The following ZNF469 variants were observed in gnomAD, a reference collection of about 807,000 sequenced individuals.
ZNF469 encodes the protein zinc finger protein 469.
In ZNF469, 1 loss-of-function variant was observed where a neutral mutation model predicts 1.0. The observed-to-expected ratio is 1.00, with a 90% CI of 0.35 to 4.73. The LOEUF is 4.73. Ranked by LOEUF, ZNF469 falls within the 30% of genes most tolerant of loss-of-function variation. ZNF469 has a pLI of 0.16. For missense variants in ZNF469, 6,100 were observed against 5,356.3 expected (o/e 1.14, Z -4.33); for synonymous variants, 2,703 against 2,363.4 (o/e 1.14, Z -4.17).
chr16:88,222,857 C>T, the ZNF469 span, among the ~76,000 whole-genome samples: 1 of 152,210 alleles, frequency 6.6e-6, no homozygotes, highest in African/African-American at 2.4e-5. Context: ...CCTTGGCCTC[C>T]CAAAGTGCTG....
At chr16:88,219,466 A>G in the ZNF469 span, among the ~76,000 whole-genome samples, 1 of 142,930 alleles carries the variant, frequency 7.0e-6, no homozygotes, top group Admixed American at 7.0e-5. Flanking sequence ...ATAACGCCGC[A>G]TATCTACAAC....
rs1226651322 is a variant in ZNF469, at chr16:88,436,216, A to T, written c.8746A>T (p.Ser2916Cys). 4 of 1,548,750 alleles carry T rather than the reference A, an allele frequency of 2.6e-6. No homozygotes were observed. Among genetic ancestry groups the T allele is most frequent in the Non-Finnish European group, 3.5e-6 (4 of 1,146,862 alleles). Reference protein sequence around the residue: ...ARLPTDLSDSSSLCLCHEDPW... With the variant: ...ARLPTDLSDSCSLCLCHEDPW... ...CCTGCCCACGGACCTCAGCGACTCC[A>T]GCTCCCTCTGCCTCTGCCATGAGGA... The change falls in exon 3 of 3, where the codon AGC (serine) becomes TGC (cysteine). Residue 2916 changes from serine (S) to cysteine (C), a missense_variant. Ser to Cys is a moderately radical substitution (Grantham distance 112, BLOSUM62 -1). Coordinates refer to ENST00000565624, the MANE Select transcript of ZNF469 (RefSeq NM_001367624.2).
the ZNF469 span, among the ~76,000 whole-genome samples, chr16:88,117,715 G>C: frequency 3.3e-5 from 5 of 152,216 alleles, no homozygotes; most frequent in Non-Finnish European, 4.4e-5. Context: ...CTTTTCCTGG[G>C]GAAGGGCTTG....
the ZNF469 span, among the ~76,000 whole-genome samples, chr16:88,186,188 G>A: frequency 3.9e-5 from 6 of 152,194 alleles, no homozygotes; most frequent in African/African-American, 1.2e-4. Flanking sequence ...GGGTGGGCCC[G>A]GAGACCTTTC....
the ZNF469 span, among the ~76,000 whole-genome samples, chr16:88,118,325 G>A: frequency 6.6e-6 from 1 of 152,234 alleles, no homozygotes; most frequent in African/African-American, 2.4e-5. Context: ...TCTTCGCAGT[G>A]TTCTGGTGGA....
At chr16:88,148,282 C>T in the ZNF469 span, among the ~76,000 whole-genome samples, 6 of 152,274 alleles carry the variant, frequency 3.9e-5, no homozygotes, top group Admixed American at 3.3e-4. Flanking sequence ...TTCCCAGCTC[C>T]ACCACCCCCA....
the ZNF469 span, among the ~76,000 whole-genome samples, chr16:88,271,971 A>C: frequency 2.0e-5 from 3 of 151,154 alleles, no homozygotes; most frequent in African/African-American, 7.3e-5. Context: ...TGGGTAGGTG[A>C]ATGGATAGAT....
chr16:88,284,089 G>A, the ZNF469 span, among the ~76,000 whole-genome samples: 1 of 129,296 alleles, frequency 7.7e-6, no homozygotes, highest in African/African-American at 3.2e-5. Context: ...GGTCTGCGGA[G>A]GCTGGTAGAC....
the ZNF469 span, among the ~76,000 whole-genome samples, chr16:88,202,150 C>T: frequency 1.3e-5 from 2 of 152,214 alleles, no homozygotes; most frequent in African/African-American, 2.4e-5. Context: ...ATGGACACGG[C>T]ACCTGCGAAT....
At chr16:88,419,369 G>A (rs904322633) in intron 1 of ZNF469, among the ~76,000 whole-genome samples, 4 of 152,114 alleles carry the variant, frequency 2.6e-5, no homozygotes, top group Non-Finnish European at 5.9e-5. Flanking sequence ...AAACAGACCG[G>A]GAGAGCTCAG....
chr16:88,430,333 C>G lies in ZNF469; in HGVS notation c.2863C>G (p.Arg955Gly), dbSNP rs754739533. 1.3e-6 allele frequency: 2 copies of G among 1,514,804 alleles called. No homozygotes were observed. Among genetic ancestry groups the G allele is most frequent in the Non-Finnish European group, 1.8e-6 (2 of 1,135,604 alleles). The allele number at this position is 1,514,804 out of a possible 1,614,324, so 93.8% of individuals were successfully genotyped here. Residue 955 changes from arginine (R) to glycine (G), a missense_variant, in exon 3 of 3, where the codon CGG (arginine) becomes GGG (glycine). Arg to Gly is a moderately radical substitution (Grantham distance 125, BLOSUM62 -2). Coordinates refer to ENST00000565624, the MANE Select transcript of ZNF469 (RefSeq NM_001367624.2). ...GAGGGGGAAGCAGTTGAAGCTGTTC[C>G]GGAAGGATCTGGACTCGGGCGGCGC... is the stretch of plus-strand genomic sequence containing the variant. ...QRRGKQLKLFRKDLDSGGAAE... is the reference protein window; with the variant it reads ...QRRGKQLKLFGKDLDSGGAAE...
chr16:88,351,271 G>C, the ZNF469 span, among the ~76,000 whole-genome samples: 1 of 152,224 alleles, frequency 6.6e-6, no homozygotes, highest in Non-Finnish European at 1.5e-5. Context: ...GGGTCACTGG[G>C]CTGTGTGGGT....
At chr16:88,251,536 G>GTGTTTTGTTTTT in the ZNF469 span, among the ~76,000 whole-genome samples, 1 of 78,788 alleles carries the variant, frequency 1.3e-5, no homozygotes, top group Non-Finnish European at 2.3e-5. Context: ...TGTCCCTGCT[G>GTGTTTTGTTTTT]TCTTTTTTTT....
chr16:88,101,973 T>A, the ZNF469 span, among the ~76,000 whole-genome samples: 1,558 of 152,002 alleles, frequency 0.01, 27 homozygotes, highest in African/African-American at 0.036. Flanking sequence ...GATTGTAAAC[T>A]CCAGGAGGGG....
chr16:88,262,160 G>T, the ZNF469 span, among the ~76,000 whole-genome samples: 1 of 152,220 alleles, frequency 6.6e-6, no homozygotes. The surrounding 1 kb of genome is among the most constrained non-coding windows in gnomAD (Gnocchi z 4.3). Context: ...CATTAGTGAA[G>T]GAATTGCATT....
the ZNF469 span, among the ~76,000 whole-genome samples, chr16:88,251,637 C>T: frequency 6.9e-6 from 1 of 145,108 alleles, no homozygotes; most frequent in East Asian, 2.1e-4. Context: ...CGGCTCACTG[C>T]AACCTCCACC....
the ZNF469 span, among the ~76,000 whole-genome samples, chr16:88,125,350 A>G: frequency 1.3e-5 from 2 of 151,976 alleles, no homozygotes; most frequent in Non-Finnish European, 2.9e-5. Flanking sequence ...CAGAAATTCA[A>G]AGAAGAATTG....
intron 1 of ZNF469, among the ~76,000 whole-genome samples, chr16:88,419,375 C>T (rs1380459021): frequency 1.3e-5 from 2 of 152,180 alleles, no homozygotes; most frequent in Admixed American, 1.3e-4. Context: ...ACCGGGAGAG[C>T]TCAGCACGGG....
chr16:88,225,770 G>T, the ZNF469 span, among the ~76,000 whole-genome samples: 1 of 152,212 alleles, frequency 6.6e-6, no homozygotes, highest in Non-Finnish European at 1.5e-5. Flanking sequence ...AACCAGGAAG[G>T]GGCCTCCCCA....
Sources: allele counts gnomAD v4.1 joint callset (sites outside exome capture counted in the v4.1 genomes callset), GRCh38; gene constraint gnomAD v4.1.1; non-coding constraint Gnocchi (gnomAD v3.1); transcripts MANE v1.5; gene names NCBI Gene and HGNC (gene_info 2026-07-23, HGNC 2026-07-21).